The following DIAPH2 variants were observed in gnomAD, a reference collection of about 807,000 sequenced individuals.
The protein encoded by DIAPH2 is diaphanous related formin 2.
A neutral mutation model predicts 92.7 loss-of-function variants in DIAPH2; 35 were observed. The ratio of observed to expected loss-of-function variants is 0.38; its 90% CI spans 0.29 to 0.50. The LOEUF (loss-of-function observed/expected upper bound fraction) is 0.50, where lower values mean the gene tolerates loss of function less well. DIAPH2 is among the 20% of genes least tolerant of loss of function. DIAPH2 has a pLI of 0.94. For missense variants in DIAPH2, 701 were observed against 819.5 expected, an observed-to-expected ratio of 0.86 and a Z score of 1.77; for synonymous variants, 301 against 280.4, an observed-to-expected ratio of 1.07 and a Z score of -0.73.
At chrX:97,035,941 C>CA (rs778387688) in intron 17 of DIAPH2, among the ~76,000 whole-genome samples, 134 of 78,455 alleles carry the variant, frequency 1.7e-3, no homozygotes, top group African/African-American at 3.4e-3. Flanking sequence ...ACCCTGTCTC[C>CA]AAAAAAAAAA....
chrX:97,496,702 A>G (rs1198059694), intron 26 of DIAPH2, among the ~76,000 whole-genome samples: 1 of 91,486 alleles, frequency 1.1e-5, no homozygotes, highest in East Asian at 3.5e-4. Flanking sequence ...TCTTGTCACC[A>G]AGGGGGGAGT....
intron 19 of DIAPH2, among the ~76,000 whole-genome samples, chrX:97,087,696 A>G (rs1438814003): frequency 1.8e-5 from 2 of 112,074 alleles, no homozygotes; most frequent in African/African-American, 3.2e-5. Flanking sequence ...ATACTACACA[A>G]ATTGAACACA....
intron 22 of DIAPH2, among the ~76,000 whole-genome samples, chrX:97,202,490 AAAAAAAT>A (rs930906417): frequency 3.6e-4 from 40 of 111,832 alleles, no homozygotes; most frequent in African/African-American, 6.2e-4. Flanking sequence ...AATGGAAAGC[AAAAAAAT>A]AAAAAATAAA....
chrX:96,845,332 A>T, intron 4 of DIAPH2, among the ~76,000 whole-genome samples: 1 of 112,372 alleles, frequency 8.9e-6, no homozygotes, highest in Non-Finnish European at 1.9e-5. Context: ...TTTGCCATAG[A>T]CACTAGATGA....
At chrX:97,352,664 T>C (rs1248199883) in intron 24 of DIAPH2, among the ~76,000 whole-genome samples, 2 of 107,909 alleles carry the variant, frequency 1.9e-5, no homozygotes, top group Admixed American at 1.0e-4. Flanking sequence ...GGTCAGGAGA[T>C]CGAGACCATC....
At position 97,363,141 on chromosome X, in the gene DIAPH2, A is replaced by G. The variant is rs1182524578; in HGVS notation, c.3009+14861A>G. Among the ~76,000 whole-genome samples, 5 of 112,348 alleles carry G rather than the reference A, an allele frequency of 4.5e-5. No homozygotes were observed. In the South Asian group the frequency reaches 1.5e-3, roughly 33 times the overall value. Reference sequence around the variant, plus strand: ...TAATTGTAACATTATCTTCTGGAATATGGAGGATATACAAATAGAGAACTT... The same window carrying G: ...TAATTGTAACATTATCTTCTGGAATGTGGAGGATATACAAATAGAGAACTT... On this transcript the variant is annotated intron_variant, in intron 24 of 26. Transcript: ENST00000324765.
intron 4 of DIAPH2, among the ~76,000 whole-genome samples, chrX:96,800,462 A>G: frequency 8.9e-6 from 1 of 111,845 alleles, no homozygotes; most frequent in South Asian, 3.8e-4. Context: ...CCTCTGTGAG[A>G]TGGTTATTAA....
chrX:97,502,532 T>C (rs1238647543), intron 26 of DIAPH2, among the ~76,000 whole-genome samples: 5 of 112,230 alleles, frequency 4.5e-5, no homozygotes, highest in Non-Finnish European at 7.5e-5. Flanking sequence ...CCCAAACAAA[T>C]ACCAGTATTT....
intron 24 of DIAPH2, among the ~76,000 whole-genome samples, chrX:97,366,068 G>A (rs753987691): frequency 9.0e-6 from 1 of 111,682 alleles, no homozygotes; most frequent in South Asian, 3.8e-4. Flanking sequence ...TTTGTGCTGT[G>A]AATTCCTTTA....
rs1456451862 is a variant in DIAPH2 at position 96,837,425 on chromosome X, CTCTCTCTCTGTGTGTGTGTGTG to C, written c.448-44152_448-44131del. On this transcript the variant is annotated intron_variant, in intron 4 of 26. Coordinates refer to ENST00000324765, the MANE Select transcript of DIAPH2 (RefSeq NM_006729.5). The stretch of plus-strand genomic sequence containing the variant: ...CCTCCCTCTCTCTCTCTCTCTCTCT[CTCTCTCTCTGTGTGTGTGTGTG>C]TGTGTGTGTGTGTGTGTGTAGTACT... Among the ~76,000 whole-genome samples the C allele has an allele frequency of 1.2e-4, 10 of 81,552 alleles. No homozygotes were observed. In the East Asian group the frequency reaches 1.9e-3, roughly 15 times the overall value. The allele number at this position is 81,552 out of a possible 115,157, so 70.8% of individuals were successfully genotyped here.
At chrX:96,717,742 A>G (rs1332175973) in intron 1 of DIAPH2, among the ~76,000 whole-genome samples, 2 of 95,764 alleles carry the variant, frequency 2.1e-5, no homozygotes, top group Non-Finnish European at 4.1e-5. Flanking sequence ...TTTTCTTCAT[A>G]TTTCTTGTGC....
At chrX:96,864,583 A>C (rs1438368759) in intron 4 of DIAPH2, among the ~76,000 whole-genome samples, 1 of 111,877 alleles carries the variant, frequency 8.9e-6, no homozygotes, top group Non-Finnish European at 1.9e-5. Context: ...GTTTTCTTAC[A>C]ATTGGAATGT....
At chrX:97,169,146 C>G (rs921149613) in intron 22 of DIAPH2, among the ~76,000 whole-genome samples, 16 of 110,779 alleles carry the variant, frequency 1.4e-4, no homozygotes, top group Non-Finnish European at 3.0e-4. Context: ...GCCAAGTGGT[C>G]AGAGGTGGGG....
At chrX:96,739,253 C>T (rs1464182953) in intron 3 of DIAPH2, among the ~76,000 whole-genome samples, 1 of 111,804 alleles carries the variant, frequency 8.9e-6, no homozygotes, top group Non-Finnish European at 1.9e-5. Context: ...AGCATGTTTC[C>T]TGTGTTTTAT....
At chrX:97,293,856 G>T (rs2068620374) in intron 23 of DIAPH2, among the ~76,000 whole-genome samples, 2 of 111,826 alleles carry the variant, frequency 1.8e-5, no homozygotes, top group East Asian at 5.6e-4. Context: ...CATAAATAGT[G>T]ATTAAAGTTC....
intron 22 of DIAPH2, among the ~76,000 whole-genome samples, chrX:97,239,927 G>A (rs185891576): frequency 1.6e-4 from 18 of 109,159 alleles, no homozygotes; most frequent in East Asian, 1.1e-3. Flanking sequence ...AGAAATATTA[G>A]AAGTAGTGTA....
chrX:96,707,523 C>T (rs960409426), intron 1 of DIAPH2, among the ~76,000 whole-genome samples: 1 of 108,995 alleles, frequency 9.2e-6, no homozygotes, highest in Non-Finnish European at 1.9e-5. Flanking sequence ...TGGCATATGC[C>T]TGTAATCCCA....
chrX:96,998,456 G>A (rs1262501249), intron 17 of DIAPH2, among the ~76,000 whole-genome samples: 2 of 111,091 alleles, frequency 1.8e-5, no homozygotes, highest in East Asian at 5.6e-4. Flanking sequence ...GTTTATGGAG[G>A]ACACATTAAT....
At chrX:96,952,528 G>C (rs1328331833) in intron 15 of DIAPH2, among the ~76,000 whole-genome samples, 1 of 110,964 alleles carries the variant, frequency 9.0e-6, no homozygotes, top group Non-Finnish European at 1.9e-5. Flanking sequence ...GAGGTCAGGA[G>C]TTCTAGACCA....
Sources: gnomAD v4.1 joint callset for allele counts (sites outside exome capture counted in the v4.1 genomes callset) on GRCh38, gnomAD v4.1.1 for gene constraint, MANE v1.5 for transcripts, NCBI Gene and HGNC (gene_info 2026-07-23, HGNC 2026-07-21) for gene names.